The following TSPAN12 variants were observed in gnomAD, a reference collection of about 807,000 sequenced individuals.
TSPAN12 encodes the protein tetraspanin 12.
TSPAN12 carries 19 observed loss-of-function variants against 39.2 expected under a neutral mutation model. That is an observed-to-expected ratio of 0.49 (90% CI 0.34 to 0.71). TSPAN12 has a LOEUF of 0.71. Ranked by LOEUF, TSPAN12 falls within the 30% of genes least tolerant of loss-of-function variation. The pLI is 0.01. For synonymous variants in TSPAN12, 119 were observed against 124.8 expected (o/e 0.95, Z 0.31); for missense variants, 314 against 359.9 (o/e 0.87, Z 1.03).
chr7:120,829,663 T>C (rs1453787431), intron 4 of TSPAN12, among the ~76,000 whole-genome samples: 4 of 152,198 alleles, frequency 2.6e-5, no homozygotes, highest in Non-Finnish European at 1.5e-5. Context: ...GCTGAATTGG[T>C]GACCAGTATT....
chr7:120,822,070 G>A (rs1794197559), intron 4 of TSPAN12, among the ~76,000 whole-genome samples: 1 of 152,112 alleles, frequency 6.6e-6, no homozygotes, highest in Non-Finnish European at 1.5e-5. Flanking sequence ...GTCACAGAAT[G>A]ACCAGAATGA....
At chr7:120,796,982 C>T (rs967093895) in intron 7 of TSPAN12, among the ~76,000 whole-genome samples, 10 of 152,204 alleles carry the variant, frequency 6.6e-5, no homozygotes, top group East Asian at 1.9e-4. Context: ...GGTGAAACCC[C>T]GTCTCTACTA....
At chr7:120,809,287 C>A (rs1222438827) in intron 6 of TSPAN12, among the ~76,000 whole-genome samples, 1 of 152,080 alleles carries the variant, frequency 6.6e-6, no homozygotes, top group Admixed American at 6.6e-5. Flanking sequence ...GTCTACATCA[C>A]AAATTCCAGA....
At chr7:120,814,841 G>C (rs1794049828) in intron 5 of TSPAN12, among the ~76,000 whole-genome samples, 1 of 152,190 alleles carries the variant, frequency 6.6e-6, no homozygotes. Context: ...GTGGAACTGT[G>C]AGAGTGTTTC....
chr7:120,844,615 T>A (rs1584951712), intron 2 of TSPAN12, among the ~76,000 whole-genome samples: 1 of 152,310 alleles, frequency 6.6e-6, no homozygotes, highest in South Asian at 2.1e-4. Context: ...AGCTCCAAAA[T>A]AATCTCCTTT....
chr7:120,810,505 T>C lies in TSPAN12; in HGVS notation c.426A>G (p.Arg142=), dbSNP rs1045868025. The part of the protein sequence containing the change: ...KARMTNYGLP[R]YRWLTHAWNF... ...TCCAAGCATGAGTAAGCCACCGATA[T>C]CTAGGTAATCCATAATTTGTCATCC... is the stretch of plus-strand genomic sequence containing the variant. The change falls in exon 6 of 8, where the codon AGA becomes AGG. Residue 142 remains arginine, a synonymous_variant. Transcript: ENST00000222747. 6 of 1,613,922 alleles carry C rather than the reference T, an allele frequency of 3.7e-6. No individual in the cohort carries two copies. The highest frequency in any genetic ancestry group is 1.7e-5 in the Admixed American group (1 of 59,998).
chr7:120,835,067 A>G (rs1794451601), intron 4 of TSPAN12, among the ~76,000 whole-genome samples: 2 of 152,238 alleles, frequency 1.3e-5, no homozygotes, highest in Admixed American at 6.5e-5. Context: ...CTGTTATTCA[A>G]TGATTTAATA....
chr7:120,815,546 C>T (rs1053278398), intron 5 of TSPAN12, among the ~76,000 whole-genome samples, 183 bp downstream of exon 5: 3 of 152,154 alleles, frequency 2.0e-5, no homozygotes, highest in Non-Finnish European at 2.9e-5. Context: ...TTCCTCTTCA[C>T]CTTCTGCCAT....
chr7:120,796,250 G>A (rs1793627631), intron 7 of TSPAN12, among the ~76,000 whole-genome samples: 1 of 152,124 alleles, frequency 6.6e-6, no homozygotes, highest in Non-Finnish European at 1.5e-5. Context: ...AAGTTAGAGG[G>A]TGTTAAAACA....
intron 7 of TSPAN12, among the ~76,000 whole-genome samples, chr7:120,799,859 T>C (rs867079036): frequency 7.1e-6 from 1 of 140,600 alleles, no homozygotes; most frequent in East Asian, 2.0e-4. Flanking sequence ...ATTTAATAAT[T>C]AATATGATAT....
At chr7:120,828,661 T>C (rs1794334480) in intron 4 of TSPAN12, among the ~76,000 whole-genome samples, 1 of 149,182 alleles carries the variant, frequency 6.7e-6, no homozygotes, top group African/African-American at 2.4e-5. Flanking sequence ...TCTCCTTTTT[T>C]TTTTTTTTTT....
chr7:120,820,551 C>A (rs1038263519), intron 4 of TSPAN12, among the ~76,000 whole-genome samples: 1 of 151,988 alleles, frequency 6.6e-6, no homozygotes, highest in African/African-American at 2.4e-5. Context: ...TCACTTTTCT[C>A]CCTCCCTCTG....
chr7:120,795,175 T>C (rs1405148142), intron 7 of TSPAN12, among the ~76,000 whole-genome samples: 2 of 152,238 alleles, frequency 1.3e-5, no homozygotes, highest in South Asian at 2.1e-4. Context: ...AGTGTACTTA[T>C]TTGCTTTTCT....
intron 4 of TSPAN12, among the ~76,000 whole-genome samples, chr7:120,826,384 T>C (rs1794286881): frequency 6.6e-6 from 1 of 152,196 alleles, no homozygotes; most frequent in Non-Finnish European, 1.5e-5. Flanking sequence ...AGTCACCATG[T>C]ACATGGTGTC....
At chr7:120,806,947 C>T (rs1793886965) in intron 6 of TSPAN12, among the ~76,000 whole-genome samples, 1 of 152,060 alleles carries the variant, frequency 6.6e-6, no homozygotes, top group South Asian at 2.1e-4. Flanking sequence ...GAGACTCACT[C>T]CCTAACTGTA....
intron 2 of TSPAN12, among the ~76,000 whole-genome samples, chr7:120,855,743 T>C (rs1794857712): frequency 6.6e-6 from 1 of 152,168 alleles, no homozygotes; most frequent in Non-Finnish European, 1.5e-5. Context: ...CTAAATGTCA[T>C]CTTCTAGAGA....
At chr7:120,809,761 C>G (rs939155212) in intron 6 of TSPAN12, among the ~76,000 whole-genome samples, 3 of 152,036 alleles carry the variant, frequency 2.0e-5, no homozygotes, top group African/African-American at 4.8e-5. Context: ...AATACAGTCC[C>G]CACTTGAGAA....
chr7:120,790,315 A>G (rs1197504588), intron 7 of TSPAN12, among the ~76,000 whole-genome samples: 1 of 152,184 alleles, frequency 6.6e-6, no homozygotes, highest in African/African-American at 2.4e-5. Context: ...AAGTTACTTA[A>G]TCTCTCTGTG....
chr7:120,801,772 A>G (rs1793776527), intron 7 of TSPAN12, among the ~76,000 whole-genome samples: 1 of 152,132 alleles, frequency 6.6e-6, no homozygotes, highest in Admixed American at 6.5e-5. Flanking sequence ...GGGGCTACTT[A>G]TGCTAAGTTT....
Sources: allele counts gnomAD v4.1 joint callset (sites outside exome capture counted in the v4.1 genomes callset), GRCh38; gene constraint gnomAD v4.1.1; transcripts MANE v1.5; gene names NCBI Gene and HGNC (gene_info 2026-07-23, HGNC 2026-07-21).